RGSL1: variants seen among roughly 807,000 people sequenced by gnomAD.
The protein encoded by RGSL1 is regulator of G protein signaling like 1, also known as regulator of G protein signaling protein-like.
Under a neutral mutation model 124.7 loss-of-function variants are expected in RGSL1, and 97 were observed. The observed-to-expected ratio is 0.78, with a 90% CI of 0.66 to 0.92. The LOEUF is 0.92. Ranked by LOEUF, RGSL1 falls within the 40% of genes least tolerant of loss-of-function variation. The pLI is 0.00. For missense variants in RGSL1, 1,233 were observed against 1,288.4 expected, an observed-to-expected ratio of 0.96 and a Z score of 0.66; for synonymous variants, 424 against 438.1, an observed-to-expected ratio of 0.97 and a Z score of 0.40.
At chr1:182,474,881 T>C (rs1304011251) in intron 6 of RGSL1, among the ~76,000 whole-genome samples, 2 of 152,212 alleles carry the variant, frequency 1.3e-5, no homozygotes, top group African/African-American at 4.8e-5. Flanking sequence ...CTGGGTTGCA[T>C]GCTTCTTATG....
At chr1:182,496,836 T>G in intron 9 of RGSL1, among the ~76,000 whole-genome samples, 1 of 152,334 alleles carries the variant, frequency 6.6e-6, no homozygotes, top group South Asian at 2.1e-4. Flanking sequence ...TCTATGTCCT[T>G]TATTTTGGAG....
At chr1:182,458,439 G>A in intron 3 of RGSL1, 46 bp downstream of exon 3, 10 of 1,401,978 alleles carry the variant, frequency 7.1e-6, no homozygotes, top group Non-Finnish European at 9.8e-6. Context: ...TGGAGAATGA[G>A]GGAACTATAA....
intron 8 of RGSL1, among the ~76,000 whole-genome samples, chr1:182,490,210 TAA>T (rs1025716187): frequency 1.1e-4 from 17 of 152,318 alleles, no homozygotes; most frequent in Middle Eastern, 3.4e-3. Context: ...AAAACATGGA[TAA>T]AGAGTGAGCA....
intron 15 of RGSL1, among the ~76,000 whole-genome samples, chr1:182,544,501 G>A (rs1224898339): frequency 6.6e-6 from 1 of 151,986 alleles, no homozygotes; most frequent in African/African-American, 2.4e-5. Context: ...ATGTCAGTTA[G>A]GCCTATTTGG....
intron 9 of RGSL1, among the ~76,000 whole-genome samples, chr1:182,502,479 G>A (rs909815599): frequency 1.3e-5 from 2 of 152,184 alleles, no homozygotes; most frequent in African/African-American, 2.4e-5. Context: ...GTGAGGCTGG[G>A]GTGGGAGGAT....
chr1:182,503,406 G>A (rs1656549125), intron 9 of RGSL1, among the ~76,000 whole-genome samples: 1 of 152,134 alleles, frequency 6.6e-6, no homozygotes, highest in South Asian at 2.1e-4. Context: ...AAAAGAATGA[G>A]ATTCAATCAT....
At position 182,472,667 on chromosome 1, in the gene RGSL1, C is replaced by T. The variant is rs1653943883; in HGVS notation, c.463+110C>T. The T allele has an allele frequency of 3.4e-6, 4 of 1,190,806 alleles. No individual in the cohort carries two copies. In the South Asian group the frequency reaches 7.3e-5, roughly 22 times the overall value. 73.8% of individuals were successfully genotyped at this position (1,190,806 alleles called of 1,614,324 possible). On this transcript the variant is annotated intron_variant, in intron 5 of 21. Coordinates refer to ENST00000294854, the MANE Select transcript of RGSL1 (RefSeq NM_001137669.2). ...GGAAACCCCACCTTCTTTCCATCTT[C>T]TATGTATCAGAGAGGCTAGTGGCAA...
chr1:182,501,603 G>A (rs936727883), intron 9 of RGSL1, among the ~76,000 whole-genome samples: 1 of 152,014 alleles, frequency 6.6e-6, no homozygotes, highest in Admixed American at 6.6e-5. Flanking sequence ...ACAGACGTGA[G>A]CCGCTACGCC....
Position 182,532,697 on chromosome 1 carries a change from G to A in RGSL1, c.2400G>A (p.Arg800=), listed in dbSNP as rs541393859. 24 of 1,550,908 alleles carry A rather than the reference G, an allele frequency of 1.5e-5. No homozygotes were observed. Among genetic ancestry groups the A allele is most frequent in the Non-Finnish European group, 1.9e-5 (22 of 1,146,506 alleles). The part of the protein sequence containing the change: ...KGWMRMISFI[R]SFCKYRRFML... ...GGATGAGAATGATCAGCTTTATCAG[G>A]AGTTTTTGCAAGTACCGCAGATTTA... Residue 800 remains arginine, a synonymous_variant, in exon 14 of 22, where the codon AGG becomes AGA. Transcript: ENST00000294854.
rs531257518 is a variant in RGSL1, at chr1:182,460,618, T to C, written c.301+485T>C. The C allele has an allele frequency of 2.0e-3, 922 of 455,592 alleles. 3 individuals are homozygous for C. Among genetic ancestry groups the C allele is most frequent in the Non-Finnish European group, 3.2e-3 (736 of 226,650 alleles). The allele number at this position is 455,592 out of a possible 1,614,324, so 28.2% of individuals were successfully genotyped here. ...TTTGCTTTTGCTCTTGCTCTCTTCC[T>C]CATAGAAGCCAGAGTGAGCCTCTTA... On this transcript the variant is annotated intron_variant, in intron 4 of 21. Coordinates refer to ENST00000294854, the MANE Select transcript of RGSL1 (RefSeq NM_001137669.2).
At position 182,527,701 on chromosome 1, in the gene RGSL1, C is replaced by T. The variant is rs1455316254; in HGVS notation, c.2054C>T (p.Thr685Ile). The T allele has an allele frequency of 6.4e-7, 1 of 1,551,232 alleles. No individual in the cohort carries two copies. Among genetic ancestry groups the T allele is most frequent in the Non-Finnish European group, 8.7e-7 (1 of 1,146,696 alleles). Reference sequence around the variant, plus strand: ...GCTGTACAGAAGATCAGTATAGAGACCAATGAAAAGATTTGCAAGTCTCTC... The same window carrying T: ...GCTGTACAGAAGATCAGTATAGAGATCAATGAAAAGATTTGCAAGTCTCTC... ...LTAVQKISIE[T>I]NEKICKSLIE... is the part of the protein sequence containing the mutation. The change falls in exon 11 of 22, where the codon ACC becomes ATC. Residue 685 changes from threonine to isoleucine, a missense_variant. By Grantham distance (89) the Thr-to-Ile change is moderately conservative. Transcript: ENST00000294854.
chr1:182,496,854 C>T (rs868521265), intron 9 of RGSL1, among the ~76,000 whole-genome samples: 3 of 150,968 alleles, frequency 2.0e-5, no homozygotes, highest in Middle Eastern at 6.8e-3. Flanking sequence ...GAGAGGATGT[C>T]CAAATATGCA....
chr1:182,530,868 G>T lies in RGSL1; in HGVS notation c.2322G>T (p.Arg774Ser), dbSNP rs1455987926. ...AAAGTGAAGTACAAATTTCGTCTAG[G>T]AAGCCCTCAAAGATAGTGTCAACTT... ...EVQSEVQISS[R>S]KPSKIVSTYL... The change falls in exon 13 of 22, where the codon AGG (arginine) becomes AGT (serine). Residue 774 changes from arginine (R) to serine (S), a missense_variant. Arg to Ser is a moderately radical substitution (Grantham distance 110, BLOSUM62 -1). Transcript: ENST00000294854. 6 of 1,550,086 alleles carry T rather than the reference G, an allele frequency of 3.9e-6. No individual in the cohort carries two copies. The highest frequency in any genetic ancestry group is 5.2e-6 in the Non-Finnish European group (6 of 1,146,078).
chr1:182,513,553 A>G (rs968944216), intron 9 of RGSL1, among the ~76,000 whole-genome samples: 34 of 152,190 alleles, frequency 2.2e-4, no homozygotes, highest in Admixed American at 2.0e-4. Context: ...TAGAAGAGAG[A>G]TAACTGTTTT....
At chr1:182,455,304 G>T (rs1265262920) in intron 2 of RGSL1, among the ~76,000 whole-genome samples, 2 of 152,084 alleles carry the variant, frequency 1.3e-5, no homozygotes, top group East Asian at 3.9e-4. Context: ...GGAGGAGGCG[G>T]GGCACGGTGG....
At chr1:182,516,875 G>A (rs553169084) in intron 9 of RGSL1, among the ~76,000 whole-genome samples, 3 of 152,128 alleles carry the variant, frequency 2.0e-5, no homozygotes, top group Non-Finnish European at 2.9e-5. Context: ...TGAGTGGGTT[G>A]AACACCATAA....
intron 4 of RGSL1, among the ~76,000 whole-genome samples, chr1:182,467,689 T>C (rs1653458562): frequency 6.6e-6 from 1 of 152,126 alleles, no homozygotes; most frequent in Non-Finnish European, 1.5e-5. Flanking sequence ...GGCAATACCA[T>C]TCAGAACATA....
chr1:182,464,767 T>C (rs1355756152), intron 4 of RGSL1, among the ~76,000 whole-genome samples: 2 of 150,080 alleles, frequency 1.3e-5, no homozygotes, highest in African/African-American at 4.9e-5. Flanking sequence ...GACTTAATAA[T>C]TACTAAAAAA....
intron 9 of RGSL1, among the ~76,000 whole-genome samples, chr1:182,513,305 C>T (rs143779488): frequency 2.2e-4 from 33 of 152,220 alleles, no homozygotes; most frequent in African/African-American, 7.5e-4. Flanking sequence ...TCTGGCAAAA[C>T]GAAGCCATCT....
Sources: gnomAD v4.1 joint callset for allele counts (sites outside exome capture counted in the v4.1 genomes callset) on GRCh38, gnomAD v4.1.1 for gene constraint, MANE v1.5 for transcripts, NCBI Gene and HGNC (gene_info 2026-07-23, HGNC 2026-07-21) for gene names.